DLG2: variants seen among roughly 807,000 people sequenced by gnomAD.
DLG2 encodes disks large homolog 2.
In DLG2, 45 loss-of-function variants were observed where a neutral mutation model predicts 132.5. That is an observed-to-expected ratio of 0.34 (90% CI 0.27 to 0.44). The LOEUF (loss-of-function observed/expected upper bound fraction) is 0.44. Among genes scored for constraint, DLG2 ranks in the 20% least tolerant of loss-of-function variants. The pLI is 1.00. For synonymous variants in DLG2, 424 were observed against 419.6 expected (o/e 1.01, Z -0.13); for missense variants, 1,045 against 1,196.9 (o/e 0.87, Z 1.87).
intron 3 of DLG2, among the ~76,000 whole-genome samples, chr11:85,531,708 G>C (rs772955620): frequency 6.6e-6 from 1 of 152,148 alleles, no homozygotes; most frequent in Non-Finnish European, 1.5e-5. Context: ...AAGTGAGCCT[G>C]TGACTGAATC....
chr11:85,047,104 C>G (rs767456707), intron 6 of DLG2, among the ~76,000 whole-genome samples: 1 of 151,898 alleles, frequency 6.6e-6, no homozygotes, highest in Non-Finnish European at 1.5e-5. Context: ...CTTTCTTCTT[C>G]TACACAATTT....
intron 6 of DLG2, among the ~76,000 whole-genome samples, chr11:84,713,530 G>T (rs922409193): frequency 6.6e-6 from 1 of 152,066 alleles, no homozygotes; most frequent in African/African-American, 2.4e-5. Context: ...AGGTATTTTT[G>T]AGGTGATACA....
chr11:85,042,130 A>G (rs1435048201), intron 6 of DLG2, among the ~76,000 whole-genome samples: 1 of 152,030 alleles, frequency 6.6e-6, no homozygotes, highest in Non-Finnish European at 1.5e-5. Context: ...TTGGAGACAC[A>G]TTAGCTTTGA....
chr11:83,870,717 T>G (rs1179012092), intron 16 of DLG2, among the ~76,000 whole-genome samples: 1 of 152,076 alleles, frequency 6.6e-6, no homozygotes, highest in Non-Finnish European at 1.5e-5. Flanking sequence ...GCGGTGTGCA[T>G]GCTAATTGGG....
chr11:83,547,029 A>G (rs2096259772), intron 19 of DLG2, among the ~76,000 whole-genome samples: 1 of 152,032 alleles, frequency 6.6e-6, no homozygotes, highest in Non-Finnish European at 1.5e-5. Context: ...TTTGCAAGCA[A>G]CTCTTTCCAG....
At chr11:83,523,074 T>C (rs570132727) in intron 21 of DLG2, among the ~76,000 whole-genome samples, 1 of 152,344 alleles carries the variant, frequency 6.6e-6, no homozygotes, top group South Asian at 2.1e-4. Flanking sequence ...TCTTTCAGTG[T>C]TGATGTTTTA....
At chr11:84,339,268 G>A (rs1397319399) in intron 7 of DLG2, among the ~76,000 whole-genome samples, 1 of 152,104 alleles carries the variant, frequency 6.6e-6, no homozygotes, top group East Asian at 1.9e-4. Flanking sequence ...GATGAAGGGG[G>A]CCTACACTTA....
At chr11:83,699,966 A>AC in intron 18 of DLG2, among the ~76,000 whole-genome samples, 1 of 127,586 alleles carries the variant, frequency 7.8e-6, no homozygotes. Flanking sequence ...CACACACACA[A>AC]ATACAGTTTG....
At chr11:83,883,852 T>G (rs1477053763) in intron 15 of DLG2, among the ~76,000 whole-genome samples, 1 of 147,548 alleles carries the variant, frequency 6.8e-6, no homozygotes, top group African/African-American at 2.5e-5. Flanking sequence ...ACAAAGAAAA[T>G]GAAAAACTGA....
chr11:84,135,775 G>A (rs961635590), intron 9 of DLG2, among the ~76,000 whole-genome samples: 5 of 152,044 alleles, frequency 3.3e-5, no homozygotes, highest in African/African-American at 7.2e-5. Flanking sequence ...CAAGAAGGTC[G>A]GAATTTATCT....
At chr11:84,939,749 G>C (rs1295292026) in intron 6 of DLG2, among the ~76,000 whole-genome samples, 1 of 152,150 alleles carries the variant, frequency 6.6e-6, no homozygotes, top group Non-Finnish European at 1.5e-5. Context: ...GCAAATGACA[G>C]TATCTCATTC....
At chr11:84,528,481 G>A (rs566418323) in intron 7 of DLG2, among the ~76,000 whole-genome samples, 1 of 152,284 alleles carries the variant, frequency 6.6e-6, no homozygotes, top group East Asian at 1.9e-4. Context: ...CTGTGACAGT[G>A]AGATTATTCA....
intron 6 of DLG2, among the ~76,000 whole-genome samples, chr11:84,707,073 A>G (rs367841144): frequency 6.6e-6 from 1 of 151,766 alleles, no homozygotes; most frequent in Non-Finnish European, 1.5e-5. Flanking sequence ...TCTGAAAGTT[A>G]TCTTCCTGAG....
At chr11:83,900,160 A>C (rs2073018326) in intron 15 of DLG2, among the ~76,000 whole-genome samples, 1 of 152,206 alleles carries the variant, frequency 6.6e-6, no homozygotes, top group African/African-American at 2.4e-5. Context: ...ATTTCTAAGC[A>C]GCAAAGCATT....
intron 4 of DLG2, among the ~76,000 whole-genome samples, chr11:85,175,833 A>T (rs1262930445): frequency 3.9e-5 from 6 of 152,196 alleles, no homozygotes; most frequent in Non-Finnish European, 8.8e-5. Context: ...GCAAGCAGAG[A>T]GCCAAATCAT....
intron 7 of DLG2, among the ~76,000 whole-genome samples, chr11:84,466,796 T>C (rs2099095597): frequency 6.6e-6 from 1 of 151,334 alleles, no homozygotes; most frequent in South Asian, 2.1e-4. Flanking sequence ...GCCATACCTC[T>C]GTAAATACAA....
At chr11:85,036,549 G>A (rs573990937) in intron 6 of DLG2, among the ~76,000 whole-genome samples, 24 of 152,084 alleles carry the variant, frequency 1.6e-4, no homozygotes, top group Non-Finnish European at 2.6e-4. Flanking sequence ...GAAATAAAAT[G>A]TTTCTATAGA....
At chr11:84,139,205 T>C (rs1454862098) in intron 9 of DLG2, among the ~76,000 whole-genome samples, 1 of 152,120 alleles carries the variant, frequency 6.6e-6, no homozygotes, top group Non-Finnish European at 1.5e-5. Context: ...TCTCATTCAT[T>C]TCCTATTCAC....
intron 5 of DLG2, among the ~76,000 whole-genome samples, chr11:85,152,397 C>A (rs897802952): frequency 6.6e-6 from 1 of 152,072 alleles, no homozygotes; most frequent in East Asian, 1.9e-4. Flanking sequence ...CACACCACCA[C>A]ACTTGGCTAA....
Sources: allele counts gnomAD v4.1 joint callset (sites outside exome capture counted in the v4.1 genomes callset), GRCh38; gene constraint gnomAD v4.1.1; transcripts MANE v1.5; gene names NCBI Gene and HGNC (gene_info 2026-07-23, HGNC 2026-07-21).